The following MBOAT2 variants were observed in gnomAD, a reference collection of about 807,000 sequenced individuals.
MBOAT2 encodes the protein membrane bound glycerophospholipid O-acyltransferase 2, also known as membrane-bound glycerophospholipid O-acyltransferase 2.
A neutral mutation model predicts 63.4 loss-of-function variants in MBOAT2; 28 were observed. The ratio of observed to expected loss-of-function variants is 0.44; its 90% CI spans 0.33 to 0.61. MBOAT2 has a LOEUF of 0.61. MBOAT2 is among the 20% of genes least tolerant of loss of function. The pLI is 0.03. For synonymous variants in MBOAT2, 211 were observed against 215.6 expected (o/e 0.98, Z 0.19); for missense variants, 470 against 605.8 (o/e 0.78, Z 2.35).
chr2:8,960,481 A>G (rs1669531518), intron 1 of MBOAT2, among the ~76,000 whole-genome samples: 1 of 152,202 alleles, frequency 6.6e-6, no homozygotes, highest in Admixed American at 6.5e-5. Flanking sequence ...AAGACACCAC[A>G]GAAGAGCACG....
intron 3 of MBOAT2, among the ~76,000 whole-genome samples, chr2:8,926,795 G>C (rs963517257): frequency 6.6e-6 from 1 of 152,228 alleles, no homozygotes; most frequent in Non-Finnish European, 1.5e-5. Context: ...AGTAATGTGA[G>C]ATGCAGGTAC....
chr2:8,987,865 G>C (rs534148871), intron 1 of MBOAT2, among the ~76,000 whole-genome samples: 1 of 151,954 alleles, frequency 6.6e-6, no homozygotes, highest in Non-Finnish European at 1.5e-5. Flanking sequence ...TGGACTGAAG[G>C]GTAATGGGTG....
chr2:8,903,374 G>A (rs1665105267), intron 4 of MBOAT2, among the ~76,000 whole-genome samples: 1 of 152,124 alleles, frequency 6.6e-6, no homozygotes, highest in African/African-American at 2.4e-5. Context: ...TAGTGAAGGA[G>A]CACACACGAC....
chr2:8,960,491 G>A (rs961213135), intron 1 of MBOAT2, among the ~76,000 whole-genome samples: 1 of 152,130 alleles, frequency 6.6e-6, no homozygotes, highest in African/African-American at 2.4e-5. Context: ...AGAAGAGCAC[G>A]CCTGAAGGGG....
intron 1 of MBOAT2, among the ~76,000 whole-genome samples, chr2:8,971,069 A>G (rs962694999): frequency 6.6e-6 from 1 of 152,238 alleles, no homozygotes; most frequent in Non-Finnish European, 1.5e-5. Context: ...AGAAAAAAAG[A>G]GACTTTTAGA....
At chr2:9,001,203 T>A (rs771050556) in intron 1 of MBOAT2, among the ~76,000 whole-genome samples, 4 of 152,248 alleles carry the variant, frequency 2.6e-5, no homozygotes, top group South Asian at 2.1e-4. Context: ...ATTTTTTTTT[T>A]AAATAAATAG....
chr2:8,917,133 T>C (rs1368065463), intron 3 of MBOAT2, among the ~76,000 whole-genome samples: 4 of 152,230 alleles, frequency 2.6e-5, no homozygotes, highest in Non-Finnish European at 5.9e-5. Flanking sequence ...TAACTCAATA[T>C]GGATCATTGA....
At chr2:8,893,986 T>C (rs1430420839) in intron 4 of MBOAT2, among the ~76,000 whole-genome samples, 1 of 152,000 alleles carries the variant, frequency 6.6e-6, no homozygotes, top group Non-Finnish European at 1.5e-5. Context: ...AGTTCTGGGA[T>C]ACATGTGCAG....
chr2:8,867,838 C>A (rs1662013846), intron 9 of MBOAT2, among the ~76,000 whole-genome samples: 1 of 152,206 alleles, frequency 6.6e-6, no homozygotes, highest in African/African-American at 2.4e-5. Flanking sequence ...CATGCCAGAT[C>A]CTTCTAAAAC....
chr2:8,933,861 G>A (rs1466844765), intron 3 of MBOAT2, among the ~76,000 whole-genome samples: 2 of 151,838 alleles, frequency 1.3e-5, no homozygotes, highest in East Asian at 3.9e-4. Flanking sequence ...TCATATAAAA[G>A]CCCTCGATCC....
intron 2 of MBOAT2, among the ~76,000 whole-genome samples, chr2:8,957,415 C>T (rs538175568): frequency 1.3e-4 from 20 of 152,184 alleles, no homozygotes; most frequent in Non-Finnish European, 2.4e-4. Context: ...TCTACCAGGG[C>T]AGTACCTAGC....
chr2:8,990,199 T>C (rs1261829778), intron 1 of MBOAT2, among the ~76,000 whole-genome samples: 4 of 152,166 alleles, frequency 2.6e-5, no homozygotes, highest in Admixed American at 1.3e-4. Flanking sequence ...ACACTGCAGT[T>C]TCCTTAACTA....
rs1389823674 is a variant in MBOAT2 at position 8,873,308 on chromosome 2, G to A, written c.691-8C>T. ...CTTCTGAACAACCGCAGTCTGAAAAGCGCAAGGCGAGACTTCATCAACTTT... is the reference window on the plus strand; with the variant it reads ...CTTCTGAACAACCGCAGTCTGAAAAACGCAAGGCGAGACTTCATCAACTTT... On this transcript the variant is annotated splice_polypyrimidine_tract_variant and splice_region_variant and intron_variant, in intron 7 of 12. Transcript: ENST00000305997. The A allele has an allele frequency of 6.2e-7, 1 of 1,609,732 alleles. No homozygotes were observed. Among genetic ancestry groups the A allele is most frequent in the East Asian group, 2.2e-5 (1 of 44,820 alleles).
chr2:8,916,677 G>A (rs1458739094), intron 3 of MBOAT2, among the ~76,000 whole-genome samples: 4 of 152,208 alleles, frequency 2.6e-5, no homozygotes, highest in South Asian at 2.1e-4. Flanking sequence ...GTTTTAACAC[G>A]ATGAAATCAA....
At chr2:8,883,029 T>A (rs968565815) in intron 5 of MBOAT2, among the ~76,000 whole-genome samples, 13 of 152,110 alleles carry the variant, frequency 8.5e-5, no homozygotes, top group African/African-American at 3.1e-4. Flanking sequence ...TCTTCATCCA[T>A]CTATTTACGT....
intron 8 of MBOAT2, among the ~76,000 whole-genome samples, chr2:8,869,764 T>C (rs1255444028): frequency 1.3e-5 from 2 of 152,190 alleles, no homozygotes; most frequent in African/African-American, 4.8e-5. Context: ...TAAAAATCTA[T>C]TAACCGCATG....
intron 1 of MBOAT2, among the ~76,000 whole-genome samples, chr2:8,981,031 C>G (rs977132465): frequency 6.6e-6 from 1 of 152,028 alleles, no homozygotes; most frequent in Non-Finnish European, 1.5e-5. Context: ...AAAATGCACA[C>G]TGATATGCAA....
chr2:8,975,441 A>G (rs1264792404), intron 1 of MBOAT2, among the ~76,000 whole-genome samples: 2 of 152,016 alleles, frequency 1.3e-5, no homozygotes, highest in Non-Finnish European at 2.9e-5. Context: ...ATTACTACCA[A>G]TCCCTGAGTG....
chr2:8,956,511 G>C (rs1026442594), intron 2 of MBOAT2, among the ~76,000 whole-genome samples: 1 of 152,082 alleles, frequency 6.6e-6, no homozygotes, highest in Admixed American at 6.6e-5. Context: ...CACCAGTTTG[G>C]ACAACATAGC....
Sources: allele counts gnomAD v4.1 joint callset (sites outside exome capture counted in the v4.1 genomes callset), GRCh38; gene constraint gnomAD v4.1.1; transcripts MANE v1.5; gene names NCBI Gene and HGNC (gene_info 2026-07-23, HGNC 2026-07-21).